PAK3: variants seen among roughly 807,000 people sequenced by gnomAD.
The protein encoded by PAK3 is serine/threonine-protein kinase PAK 3.
In PAK3, 4 loss-of-function variants were observed where a neutral mutation model predicts 41.0. That is an observed-to-expected ratio of 0.10 (90% CI 0.05 to 0.22). The LOEUF (loss-of-function observed/expected upper bound fraction) is 0.22, where lower values mean the gene tolerates loss of function less well. Ranked by LOEUF, PAK3 falls within the 10% of genes least tolerant of loss-of-function variation. The probability of loss-of-function intolerance (pLI) is 1.00; values close to 1 mark genes in which losing one functional copy is unlikely to be tolerated. For missense variants in PAK3, 205 were observed against 409.9 expected, an observed-to-expected ratio of 0.50 and a Z score of 4.32; for synonymous variants, 146 against 139.6, an observed-to-expected ratio of 1.05 and a Z score of -0.32.
At chrX:110,976,416 C>T (rs1213680001) in intron 1 of PAK3, among the ~76,000 whole-genome samples, 1 of 112,271 alleles carries the variant, frequency 8.9e-6, no homozygotes, top group Non-Finnish European at 1.9e-5. Context: ...GAGATACCAT[C>T]TCATGAGAGT....
At chrX:111,050,444 G>A (rs1003652009) in intron 1 of PAK3, among the ~76,000 whole-genome samples, 35 of 112,362 alleles carry the variant, frequency 3.1e-4, no homozygotes, top group Admixed American at 2.5e-3. Context: ...TACCAGAAGC[G>A]ATGCTGTCAG....
intron 1 of PAK3, among the ~76,000 whole-genome samples, chrX:110,990,568 G>C (rs1193421012): frequency 2.7e-5 from 3 of 110,353 alleles, no homozygotes; most frequent in African/African-American, 9.9e-5. Context: ...GGGTGACCAT[G>C]GAAGGATTCC....
rs750914092 is a variant in PAK3 at position 111,032,339 on chromosome X, G to GT, written c.-28+87717dup. Among the ~76,000 whole-genome samples, 4 of 111,855 alleles carry GT rather than the reference G, an allele frequency of 3.6e-5. No individual in the cohort carries two copies. In the Admixed American group the frequency reaches 3.8e-4, roughly 11 times the overall value. The stretch of plus-strand genomic sequence containing the variant: ...TCTTGGTTGCATTTGTGTAACTATA[G>GT]TTTTTTAAAAAAAGGAACAGTATGT... On this transcript the variant is annotated intron_variant, in intron 1 of 14. Coordinates refer to the PAK3 transcript ENST00000425146.
At chrX:111,155,589 C>T (rs948865165) in intron 8 of PAK3, among the ~76,000 whole-genome samples, 1 of 110,096 alleles carries the variant, frequency 9.1e-6, no homozygotes, top group Non-Finnish European at 1.9e-5. Context: ...AAGTAGATTG[C>T]TTTTAGCTGG....
chrX:111,208,396 ACATT>A (rs2094779151), intron 16 of PAK3, among the ~76,000 whole-genome samples: 1 of 112,368 alleles, frequency 8.9e-6, no homozygotes, highest in Non-Finnish European at 1.9e-5. Flanking sequence ...CTAGGCTTTC[ACATT>A]CACTCACTAG....
intron 1 of PAK3, among the ~76,000 whole-genome samples, chrX:111,080,036 G>A: frequency 1.8e-5 from 2 of 112,400 alleles, no homozygotes; most frequent in Middle Eastern, 9.2e-3. Context: ...AAAGAAAGTG[G>A]TTTCTCAAGA....
At chrX:111,079,564 T>A (rs995187503) in intron 1 of PAK3, among the ~76,000 whole-genome samples, 3 of 112,239 alleles carry the variant, frequency 2.7e-5, no homozygotes, top group Non-Finnish European at 5.6e-5. Context: ...AATGTTCTGA[T>A]GGAGATGTAC....
At chrX:111,199,488 G>A (rs1217860050) in intron 16 of PAK3, among the ~76,000 whole-genome samples, 2 of 110,707 alleles carry the variant, frequency 1.8e-5, no homozygotes, top group Non-Finnish European at 3.8e-5. Flanking sequence ...TTTATTACAT[G>A]ACATGGTTAA....
chrX:111,099,440 G>A (rs1419069577), intron 3 of PAK3, among the ~76,000 whole-genome samples: 1 of 110,809 alleles, frequency 9.0e-6, no homozygotes, highest in Non-Finnish European at 1.9e-5. Flanking sequence ...ATAATGGGGA[G>A]ATGGACCTTG....
At chrX:111,208,255 A>C (rs1279044575) in intron 16 of PAK3, among the ~76,000 whole-genome samples, 4 of 113,027 alleles carry the variant, frequency 3.5e-5, no homozygotes, top group African/African-American at 9.6e-5. Flanking sequence ...AAAAAGTTGA[A>C]AAAATAAGTT....
At chrX:111,065,806 G>A (rs112047522) in intron 1 of PAK3, among the ~76,000 whole-genome samples, 2,352 of 111,365 alleles carry the variant, frequency 0.021, 31 homozygotes, top group Non-Finnish European at 0.036. Context: ...GCATTGCCAG[G>A]AATTTATCCA....
In PAK3 at chrX:111,226,634, G is replaced by A; in HGVS notation, c.*6187G>A. 8.9e-6 allele frequency: 1 copy of A among 112,280 alleles called. No homozygotes were observed. Among genetic ancestry groups the A allele is most frequent in the Non-Finnish European group, 1.9e-5 (1 of 53,282 alleles). The allele number at this position is 112,280 out of a possible 1,213,427, so 9.3% of individuals were successfully genotyped here. A position where few individuals can be genotyped will look rare whatever the true frequency, so the allele number is the denominator to read the frequency against. ...ATTAATTTGTTGGGAACCAAAGATA[G>A]CATTTCTGATGACAACTCCCACAGT... On this transcript the variant is annotated 3_prime_UTR_variant, in exon 18 of 18. Coordinates refer to ENST00000372007, the MANE Select transcript of PAK3 (RefSeq NM_002578.5).
At chrX:111,017,717 G>A (rs1326417842) in intron 1 of PAK3, among the ~76,000 whole-genome samples, 1 of 111,455 alleles carries the variant, frequency 9.0e-6, no homozygotes, top group East Asian at 2.8e-4. Context: ...AAAGAAAAGA[G>A]AATATTTCCT....
chrX:111,135,658 G>A (rs1048432205), intron 5 of PAK3, among the ~76,000 whole-genome samples: 1 of 111,586 alleles, frequency 9.0e-6, no homozygotes, highest in Non-Finnish European at 1.9e-5. Flanking sequence ...CAAGAAGTTC[G>A]TGGTCTCAAA....
In PAK3 at chrX:111,162,918, A is replaced by G. The variant is rs1415674453; in HGVS notation, c.472A>G (p.Thr158Ala). 27 of 1,204,095 alleles carry G rather than the reference A, an allele frequency of 2.2e-5. No homozygotes were observed. Among genetic ancestry groups the G allele is most frequent in the Non-Finnish European group, 3.0e-5 (27 of 890,085 alleles). ...TAAACTTTGTTTTTGTCACAAGAGT[A>G]CAAAAACAGCATCTGAGCCTCCATT... is the stretch of plus-strand genomic sequence containing the variant. The part of the protein sequence containing the change: ...HGYIAAHPSS[T>A]KTASEPPLAP... The change falls in exon 9 of 18, where the codon ACA (threonine) becomes GCA (alanine). Residue 158 changes from threonine to alanine, a missense_variant. Physicochemically the swap from Thr to Ala is moderately conservative, Grantham distance 58. This residue lies in a region of PAK3 where 75 missense variants were observed against 91.9 expected (regional missense o/e 0.82). Transcript: ENST00000372007.
chrX:110,989,213 C>T (rs1220877266), intron 1 of PAK3, among the ~76,000 whole-genome samples: 2 of 111,710 alleles, frequency 1.8e-5, no homozygotes, highest in Non-Finnish European at 3.8e-5. Flanking sequence ...TGTGTCTACC[C>T]TCTGTGATAC....
intron 1 of PAK3, among the ~76,000 whole-genome samples, chrX:111,035,943 A>C (rs755411477): frequency 8.9e-6 from 1 of 112,413 alleles, no homozygotes; most frequent in Non-Finnish European, 1.9e-5. Flanking sequence ...CAGAGAGGTA[A>C]ATAACTTTCA....
At chrX:111,205,736 C>T (rs775542560) in intron 16 of PAK3, among the ~76,000 whole-genome samples, 66 of 111,116 alleles carry the variant, frequency 5.9e-4, no homozygotes, top group African/African-American at 2.1e-3. Flanking sequence ...TTATTATGTA[C>T]GGGCCTGTTC....
chrX:111,173,137 A>C (rs914355883), intron 11 of PAK3, 56 bp downstream of exon 11: 1 of 598,891 alleles, frequency 1.7e-6, no homozygotes, highest in African/African-American at 2.2e-5. Context: ...ATACATTAAA[A>C]TTAAAATTCA....
Sources: gnomAD v4.1 joint callset for allele counts (sites outside exome capture counted in the v4.1 genomes callset) on GRCh38, gnomAD v4.1.1 for gene constraint, gnomAD v4.1.1 regional missense constraint, MANE v1.5 for transcripts, NCBI Gene and HGNC (gene_info 2026-07-23, HGNC 2026-07-21) for gene names.